The following SOX6 variants were observed in gnomAD, a reference collection of about 807,000 sequenced individuals.
The protein encoded by SOX6 is transcription factor SOX-6.
In SOX6, 11 loss-of-function variants were observed where a neutral mutation model predicts 97.8. That is an observed-to-expected ratio of 0.11 (90% CI 0.07 to 0.19). SOX6 has a LOEUF of 0.19. SOX6 is among the 10% of genes least tolerant of loss of function. SOX6 has a pLI of 1.00. For missense variants in SOX6, 810 were observed against 1,039.5 expected, an observed-to-expected ratio of 0.78 and a Z score of 3.04; for synonymous variants, 360 against 371.4, an observed-to-expected ratio of 0.97 and a Z score of 0.35.
rs1208157737 is a variant in SOX6 at position 16,397,232 on chromosome 11, T to C, written c.-4-55980A>G. The stretch of plus-strand genomic sequence containing the variant: ...TCACAAATCTAATCATGTATTTTTA[T>C]AAATATTCAAAATTAAATATATTTA... On this transcript the variant is annotated intron_variant, in intron 1 of 15. Coordinates refer to the SOX6 transcript ENST00000396356. Among the ~76,000 whole-genome samples, 9 of 151,506 alleles carry C rather than the reference T, an allele frequency of 5.9e-5. No individual in the cohort carries two copies. In the Admixed American group the frequency reaches 5.9e-4, roughly 10 times the overall value.
chr11:16,570,627 T>C (rs1847928668), intron 4 of SOX6, among the ~76,000 whole-genome samples: 1 of 152,214 alleles, frequency 6.6e-6, no homozygotes, highest in South Asian at 2.1e-4. Flanking sequence ...AATTGTTTCA[T>C]ATACAGTGTA....
chr11:16,273,871 T>C (rs1472561725), intron 3 of SOX6, among the ~76,000 whole-genome samples: 1 of 152,078 alleles, frequency 6.6e-6, no homozygotes, highest in African/African-American at 2.4e-5. Context: ...AGAGAAGCTG[T>C]GGTAAAAGAA....
At chr11:16,381,562 T>G (rs1857821208) in intron 1 of SOX6, among the ~76,000 whole-genome samples, 1 of 151,998 alleles carries the variant, frequency 6.6e-6, no homozygotes, top group Admixed American at 6.6e-5. Context: ...GTCACATATA[T>G]TTTCTTCCAT....
In SOX6 at chr11:15,969,142, C is replaced by A. The variant is rs1853232316; in HGVS notation, c.*3667G>T. ...TCCCAATTCTAAGTGACAAGGAGAA[C>A]CCTGACCCTGTAAGTTCTTTAACAA... is the stretch of plus-strand genomic sequence containing the variant. On this transcript the variant is annotated 3_prime_UTR_variant, in exon 16 of 16. Transcript: ENST00000683767. 6.8e-6 allele frequency: 1 copy of A among 147,354 alleles called. No individual in the cohort carries two copies. The highest frequency in any genetic ancestry group is 2.1e-4 in the South Asian group (1 of 4,666). 9.1% of individuals were successfully genotyped at this position (147,354 alleles called of 1,614,324 possible).
intron 4 of SOX6, among the ~76,000 whole-genome samples, chr11:16,224,531 G>T (rs1009833251): frequency 3.9e-5 from 6 of 151,910 alleles, no homozygotes; most frequent in South Asian, 2.1e-4. Context: ...AACCCCAAGT[G>T]GGGGGAGGTT....
At chr11:16,557,474 T>A (rs1215879264) in intron 4 of SOX6, among the ~76,000 whole-genome samples, 1 of 151,830 alleles carries the variant, frequency 6.6e-6, no homozygotes, top group East Asian at 1.9e-4. Context: ...TAGTCCCAGC[T>A]TATCAATTTA....
intron 1 of SOX6, among the ~76,000 whole-genome samples, chr11:16,458,157 TC>T (rs142492727): frequency 0.025 from 3,732 of 152,084 alleles, 131 homozygotes; most frequent in African/African-American, 0.077. Context: ...CACCTCTCTT[TC>T]CTTCCCAATC....
At chr11:16,507,874 A>G (rs910594474) in intron 4 of SOX6, among the ~76,000 whole-genome samples, 2 of 152,184 alleles carry the variant, frequency 1.3e-5, no homozygotes, top group Non-Finnish European at 2.9e-5. Context: ...AAACAAAAAT[A>G]GACAAAAGTG....
At chr11:15,997,906 C>A (rs1467972790) in intron 13 of SOX6, among the ~76,000 whole-genome samples, 2 of 151,906 alleles carry the variant, frequency 1.3e-5, no homozygotes, top group African/African-American at 2.4e-5. Flanking sequence ...TATGGTGAAA[C>A]CCTGCTCTAC....
intron 6 of SOX6, among the ~76,000 whole-genome samples, chr11:16,148,528 T>C (rs1850374663): frequency 6.6e-6 from 1 of 152,172 alleles, no homozygotes; most frequent in Admixed American, 6.6e-5. Flanking sequence ...TGAAACCGTG[T>C]TGGACAAAAT....
intron 5 of SOX6, among the ~76,000 whole-genome samples, chr11:16,184,389 T>C (rs1187158120): frequency 2.0e-5 from 3 of 152,140 alleles, no homozygotes; most frequent in African/African-American, 7.2e-5. Context: ...CCTTTCCTGA[T>C]ACAAAGATTT....
chr11:16,478,158 A>T (rs74685173), upstream of SOX6, among the ~76,000 whole-genome samples: 602 of 152,384 alleles, frequency 4.0e-3, 15 homozygotes, highest in East Asian at 0.052. Flanking sequence ...AAAATGCTGT[A>T]TATCCAAAAG....
intron 4 of SOX6, among the ~76,000 whole-genome samples, chr11:16,545,249 G>C (rs1402174463): frequency 6.6e-6 from 1 of 151,250 alleles, no homozygotes; most frequent in African/African-American, 2.4e-5. Context: ...AAAAGAGAGA[G>C]GAAAGAAAGT....
chr11:16,368,658 A>T (rs1857423453), intron 1 of SOX6, among the ~76,000 whole-genome samples: 1 of 152,158 alleles, frequency 6.6e-6, no homozygotes, highest in Admixed American at 6.6e-5. Flanking sequence ...CAGATAAGAA[A>T]CCTTAGAGGA....
intron 1 of SOX6, among the ~76,000 whole-genome samples, chr11:16,473,826 G>T (rs1340115127): frequency 1.3e-5 from 2 of 152,104 alleles, no homozygotes; most frequent in African/African-American, 4.8e-5. Context: ...AGACAATGAA[G>T]TTTGCCTCAT....
At chr11:16,679,493 C>T (rs1038525819) in intron 3 of SOX6, among the ~76,000 whole-genome samples, 4 of 152,152 alleles carry the variant, frequency 2.6e-5, no homozygotes, top group African/African-American at 9.7e-5. Context: ...GGAAGATAAA[C>T]CCACAAAGGT....
At chr11:16,411,720 C>T (rs1053780896) in intron 1 of SOX6, among the ~76,000 whole-genome samples, 5 of 152,110 alleles carry the variant, frequency 3.3e-5, no homozygotes, top group Non-Finnish European at 7.4e-5. Context: ...TTAACAGTGA[C>T]TTACCAAAGT....
At position 15,986,403 on chromosome 11, in the gene SOX6, T is replaced by A. The variant is rs1420622067; in HGVS notation, c.1984A>T (p.Met662Leu). The A allele has an allele frequency of 6.2e-7, 1 of 1,613,962 alleles. No individual in the cohort carries two copies. The highest frequency in any genetic ancestry group is 8.5e-7 in the Non-Finnish European group (1 of 1,179,994). Residue 662 changes from methionine to leucine, a missense_variant, in exon 15 of 16, where the codon ATG (methionine) becomes TTG (leucine). Met to Leu is a conservative substitution (Grantham distance 15). Transcript: ENST00000683767. ...TAAGGTTGCTTCTCCTGGTTGGACA[T>A]TGATTTCCAGCGAGATCCTAGAAAT... ...SKILGSRWKS[M>L]SNQEKQPYYE... is the part of the protein sequence containing the mutation.
At chr11:16,511,165 G>A (rs1201661539) in intron 4 of SOX6, among the ~76,000 whole-genome samples, 1 of 152,088 alleles carries the variant, frequency 6.6e-6, no homozygotes, top group East Asian at 1.9e-4. Flanking sequence ...CTCACTCTTT[G>A]GAGGGAAAAG....
Sources: gnomAD v4.1 joint callset for allele counts (sites outside exome capture counted in the v4.1 genomes callset) on GRCh38, gnomAD v4.1.1 for gene constraint, MANE v1.5 for transcripts, NCBI Gene and HGNC (gene_info 2026-07-23, HGNC 2026-07-21) for gene names.